Variants in COQ8B observed in about 807,000 individuals in gnomAD.
The protein encoded by COQ8B is coenzyme Q8B, also known as atypical kinase COQ8B, mitochondrial.
COQ8B carries 44 observed loss-of-function variants against 62.0 expected under a neutral mutation model. The observed-to-expected ratio is 0.71, with a 90% CI of 0.56 to 0.91. COQ8B has a LOEUF of 0.91. Ranked by LOEUF, COQ8B falls within the 40% of genes least tolerant of loss-of-function variation. The probability of loss-of-function intolerance (pLI) is 0.00; values close to 1 mark genes in which losing one functional copy is unlikely to be tolerated. For synonymous variants in COQ8B, 252 were observed against 289.9 expected (o/e 0.87, Z 1.33); for missense variants, 649 against 731.6 (o/e 0.89, Z 1.30).
intron 4 of COQ8B, among the ~76,000 whole-genome samples, chr19:40,713,789 C>T (rs183969805): frequency 6.8e-6 from 1 of 147,626 alleles, no homozygotes; most frequent in African/African-American, 2.5e-5. Context: ...GAGGCTGAGG[C>T]GAGAGAATTG....
chr19:40,712,178 C>G (rs1322366780), intron 4 of COQ8B, among the ~76,000 whole-genome samples: 1 of 152,026 alleles, frequency 6.6e-6, no homozygotes, highest in East Asian at 1.9e-4. Flanking sequence ...GTAGCTCACG[C>G]CTATAATCCC....
chr19:40,702,507 C>T (rs1713536357), intron 10 of COQ8B, 93 bp downstream of exon 10: 3 of 1,204,466 alleles, frequency 2.5e-6, no homozygotes, highest in African/African-American at 3.0e-5. Flanking sequence ...TTGCCCTACC[C>T]CACAGCTCCA....
Position 40,702,669 on chromosome 19 carries a change from T to C in COQ8B, c.824A>G (p.Gln275Arg), listed in dbSNP as rs1357153952. 1.9e-6 allele frequency: 3 copies of C among 1,610,168 alleles called. No individual in the cohort carries two copies. The African/African-American group carries it at 4.0e-5, about 22-fold the overall frequency. The change falls in exon 10 of 15, where the codon CAG becomes CGG. Residue 275 changes from glutamine (Q) to arginine (R), a missense_variant. Gln to Arg is a conservative substitution (Grantham distance 43, BLOSUM62 1). Coordinates refer to ENST00000324464, the MANE Select transcript of COQ8B (RefSeq NM_024876.4). ...CCAAGCCAGCTCCTGCTGCAAGGCC[T>C]GCAGGCTCTGCTCGGCAAACAGGCC... ...PAGLFAEQSL[Q>R]ALQQELAWEC...
chr19:40,716,263 A>G (rs1294983636), intron 1 of COQ8B, among the ~76,000 whole-genome samples: 1 of 152,144 alleles, frequency 6.6e-6, no homozygotes, highest in Admixed American at 6.5e-5. Flanking sequence ...CTCCCCCTTC[A>G]GAGGTGAACG....
rs752953417 is a variant in COQ8B, at chr19:40,692,387, TG to T, written c.1297-15del. 10 of 1,609,284 alleles carry T rather than the reference TG, an allele frequency of 6.2e-6. No individual in the cohort carries two copies. Among genetic ancestry groups the T allele is most frequent in the African/African-American group, 2.7e-5 (2 of 74,428 alleles). On this transcript the variant is annotated splice_polypyrimidine_tract_variant and intron_variant, in intron 14 of 14. Coordinates refer to ENST00000324464, the MANE Select transcript of COQ8B (RefSeq NM_024876.4). ...GTCGGAGAATGCCTGGGAGTGGGGG[TG>T]GGGGGAGAGCAAAGGCAGCCAGTGT...
chr19:40,695,749 G>A (rs1163908804), intron 13 of COQ8B, among the ~76,000 whole-genome samples: 1 of 152,040 alleles, frequency 6.6e-6, no homozygotes, highest in African/African-American at 2.4e-5. Context: ...GCCTAAAACG[G>A]GCCTAAAAAC....
rs757057069 is a variant in COQ8B at position 40,700,120 on chromosome 19, T to C, written c.1090A>G (p.Met364Val). 29 of 1,614,114 alleles carry C rather than the reference T, an allele frequency of 1.8e-5. No individual in the cohort carries two copies. Among genetic ancestry groups the C allele is most frequent in the African/African-American group, 1.3e-5 (1 of 74,928 alleles). Reference protein sequence around the residue: ...CLRELFEFRFMQTDPNWANFL... With the variant: ...CLRELFEFRFVQTDPNWANFL... ...TTGGCCCAGTTGGGGTCAGTCTGCA[T>C]GAATCGGAACTCAAACAGCTCCCGC... Residue 364 changes from methionine to valine, a missense_variant, in exon 12 of 15, where the codon ATG becomes GTG. Transcript: ENST00000324464.
chr19:40,705,878 T>C (rs1469809185), intron 5 of COQ8B, among the ~76,000 whole-genome samples: 1 of 147,404 alleles, frequency 6.8e-6, no homozygotes, highest in Non-Finnish European at 1.5e-5. Context: ...TGCAATGAAC[T>C]GTGATCGCAC....
Position 40,692,977 on chromosome 19 carries a change from T to G in COQ8B, c.1270A>C (p.Lys424Gln), listed in dbSNP as rs2081985855. 1.2e-6 allele frequency: 2 copies of G among 1,613,738 alleles called. No individual in the cohort carries two copies. Among genetic ancestry groups the G allele is most frequent in the African/African-American group, 2.7e-5 (2 of 74,900 alleles). Residue 424 changes from lysine (K) to glutamine (Q), a missense_variant, in exon 14 of 15, where the codon AAA becomes CAA. Transcript: ENST00000324464. ...TTGGTTTCAAAGCCTGTGAGGAATT[T>G]GAGGTCCCTGGACTTCTGCAGGACA... ...DCVLQKSRDL[K>Q]FLTGFETKAF...
chr19:40,697,851 T>TATAGAGAGAGAGAGAGAGAG (rs1446181673), intron 12 of COQ8B, among the ~76,000 whole-genome samples: 15 of 54,732 alleles, frequency 2.7e-4, no homozygotes, highest in African/African-American at 4.9e-4. Context: ...TATATATATA[T>TATAGAGAGAGAGAGAGAGAG]AGAGAGAGAG....
chr19:40,702,685 C>T lies in COQ8B; in HGVS notation c.808G>A (p.Ala270Thr). 6.2e-7 allele frequency: 1 copy of T among 1,608,614 alleles called. No homozygotes were observed. Among genetic ancestry groups the T allele is most frequent in the East Asian group, 2.2e-5 (1 of 44,874 alleles). Residue 270 changes from alanine to threonine, a missense_variant, in exon 10 of 15, where the codon GCC (alanine) becomes ACC (threonine). Transcript: ENST00000324464. ...MSAALPAGLF[A>T]EQSLQALQQE... ...TGCAAGGCCTGCAGGCTCTGCTCGG[C>T]AAACAGGCCTGTGGGGGAGGTGTGT...
intron 10 of COQ8B, 63 bp from the exon 11 acceptor site, chr19:40,700,514 C>G: frequency 6.4e-7 from 1 of 1,566,968 alleles, no homozygotes; most frequent in Non-Finnish European, 8.7e-7. Context: ...CAGCTTGAGA[C>G]CTCCTCCTTG....
At chr19:40,697,822 TTA>T (rs66501221) in intron 12 of COQ8B, among the ~76,000 whole-genome samples, 3,058 of 78,982 alleles carry the variant, frequency 0.039, 127 homozygotes, top group Non-Finnish European at 0.051. Flanking sequence ...ATAAATAAAA[TTA>T]TATATATATA....
At position 40,692,378 on chromosome 19, in the gene COQ8B, G is replaced by A. The variant is rs1261602445; in HGVS notation, c.1297-5C>T. 3 of 1,612,152 alleles carry A rather than the reference G, an allele frequency of 1.9e-6. No homozygotes were observed. Among genetic ancestry groups the A allele is most frequent in the Non-Finnish European group, 2.5e-6 (3 of 1,179,616 alleles). On this transcript the variant is annotated splice_polypyrimidine_tract_variant and splice_region_variant and intron_variant, in intron 14 of 14. Transcript: ENST00000324464. ...CACGTGGGCGTCGGAGAATGCCTGGGAGTGGGGGTGGGGGGAGAGCAAAGG... is the reference window on the plus strand; with the variant it reads ...CACGTGGGCGTCGGAGAATGCCTGGAAGTGGGGGTGGGGGGAGAGCAAAGG...
Position 40,692,067 on chromosome 19 carries a change from T to A in COQ8B, c.1603A>T (p.Thr535Ser). Residue 535 changes from threonine to serine, a missense_variant, in exon 15 of 15, where the codon ACC (threonine) becomes TCC (serine). Thr to Ser is a moderately conservative substitution (Grantham distance 58). Transcript: ENST00000324464. Reference protein sequence around the residue: ...PDAATAGSLPTKGDSWVDPS With the variant: ...PDAATAGSLPSKGDSWVDPS ...GGATCCACCCAGGAGTCCCCTTTGG[T>A]GGGGAGGCTGCCGGCAGTGGCTGCG... The A allele has an allele frequency of 1.2e-6, 2 of 1,607,234 alleles. No homozygotes were observed. The highest frequency in any genetic ancestry group is 1.7e-6 in the Non-Finnish European group (2 of 1,177,116).
chr19:40,699,954 C>G (rs1173979050), intron 12 of COQ8B, 113 bp downstream of exon 12: 4 of 997,408 alleles, frequency 4.0e-6, no homozygotes, highest in Non-Finnish European at 6.1e-6. Context: ...GGAAAAGGGC[C>G]ACCCCTGCCT....
chr19:40,698,203 C>T (rs547820949), intron 12 of COQ8B, among the ~76,000 whole-genome samples: 49 of 147,434 alleles, frequency 3.3e-4, no homozygotes, highest in Non-Finnish European at 6.8e-4. Flanking sequence ...GTGACAAGAG[C>T]GAGACTTCAT....
At position 40,700,094 on chromosome 19, in the gene COQ8B, G is replaced by A; in HGVS notation, c.1116C>T (p.Asn372=). The part of the protein sequence containing the change: ...RFMQTDPNWA[N]FLYDASSHQV... Reference sequence around the variant, plus strand: ...GGTGGCTGGAGGCATCATACAGGAAGTTGGCCCAGTTGGGGTCAGTCTGCA... The same window carrying A: ...GGTGGCTGGAGGCATCATACAGGAAATTGGCCCAGTTGGGGTCAGTCTGCA... The change falls in exon 12 of 15, where the codon AAC becomes AAT. Residue 372 remains asparagine, a synonymous_variant. Coordinates refer to ENST00000324464, the MANE Select transcript of COQ8B (RefSeq NM_024876.4). The A allele has an allele frequency of 1.2e-6, 2 of 1,614,268 alleles. No individual in the cohort carries two copies. Among genetic ancestry groups the A allele is most frequent in the Non-Finnish European group, 1.7e-6 (2 of 1,180,048 alleles).
intron 5 of COQ8B, among the ~76,000 whole-genome samples, chr19:40,705,932 GA>G (rs982789621): frequency 4.9e-3 from 416 of 85,158 alleles, no homozygotes; most frequent in African/African-American, 0.012. Context: ...CCTGTCTCGG[GA>G]AAAAAAAAAA....
Sources: gnomAD v4.1 joint callset for allele counts (sites outside exome capture counted in the v4.1 genomes callset) on GRCh38, gnomAD v4.1.1 for gene constraint, MANE v1.5 for transcripts, NCBI Gene and HGNC (gene_info 2026-07-23, HGNC 2026-07-21) for gene names.